ANTXR2: variants seen among roughly 807,000 people sequenced by gnomAD.
The protein encoded by ANTXR2 is anthrax toxin receptor 2.
ANTXR2 carries 44 observed loss-of-function variants against 73.7 expected under a neutral mutation model. The ratio of observed to expected loss-of-function variants is 0.60; its 90% CI spans 0.47 to 0.77. The LOEUF (loss-of-function observed/expected upper bound fraction) is 0.77. Among genes scored for constraint, ANTXR2 ranks in the 30% least tolerant of loss-of-function variants. The pLI is 0.00. For missense variants in ANTXR2, 604 were observed against 592.5 expected (o/e 1.02, Z -0.20); for synonymous variants, 217 against 205.9 (o/e 1.05, Z -0.46).
chr4:80,053,927 C>T (rs1243364772), intron 7 of ANTXR2, among the ~76,000 whole-genome samples: 4 of 151,582 alleles, frequency 2.6e-5, no homozygotes, highest in African/African-American at 7.3e-5. Flanking sequence ...CACATCAATC[C>T]AAATTTTTAT....
At chr4:80,071,710 C>T in intron 1 of ANTXR2, 56 bp from the exon 2 acceptor site, 1 of 1,425,428 alleles carries the variant, frequency 7.0e-7, no homozygotes, top group East Asian at 2.3e-5. Context: ...GAAAAGTAAA[C>T]ATTTTGAAAT....
chr4:80,033,422 T>C lies in ANTXR2; in HGVS notation c.796+50A>G, dbSNP rs1578172572. ...GAGAAAAAAAGAAAACATTTGATGC[T>C]GATGTGCTTTGCAGAGATTAAGACA... On this transcript the variant is annotated intron_variant, in intron 9 of 16. Transcript: ENST00000403729. The C allele has an allele frequency of 2.0e-5, 27 of 1,370,808 alleles. No individual in the cohort carries two copies. The East Asian group carries it at 6.4e-4, about 33-fold the overall frequency. 84.9% of individuals were successfully genotyped at this position (1,370,808 alleles called of 1,614,324 possible). A position where few individuals can be genotyped will look rare whatever the true frequency, so the allele number is the denominator to read the frequency against.
intron 16 of ANTXR2, among the ~76,000 whole-genome samples, chr4:79,913,119 C>T (rs1430008075): frequency 2.0e-5 from 3 of 152,144 alleles, no homozygotes; most frequent in Admixed American, 1.3e-4. Context: ...TTACTAACTA[C>T]TCACTTTCTG....
At chr4:80,029,453 T>A (rs952577514) in intron 10 of ANTXR2, among the ~76,000 whole-genome samples, 4 of 152,084 alleles carry the variant, frequency 2.6e-5, no homozygotes, top group Admixed American at 2.6e-4. Context: ...CAGATCGTTA[T>A]GTTAACTGGT....
intron 3 of ANTXR2, among the ~76,000 whole-genome samples, chr4:80,060,377 A>G (rs1163263142): frequency 6.6e-6 from 1 of 152,186 alleles, no homozygotes; most frequent in Non-Finnish European, 1.5e-5. Flanking sequence ...CCTCTGATCT[A>G]ACCTAATTTT....
chr4:79,914,077 G>C (rs906127115), intron 16 of ANTXR2, among the ~76,000 whole-genome samples: 3 of 151,874 alleles, frequency 2.0e-5, no homozygotes, highest in Admixed American at 1.3e-4. Context: ...GTTATATGAA[G>C]AGCCCTGTGA....
chr4:80,009,846 CAAA>C (rs932231740), intron 11 of ANTXR2, among the ~76,000 whole-genome samples: 2 of 82,110 alleles, frequency 2.4e-5, no homozygotes, highest in Admixed American at 1.5e-4. Context: ...GACTCCATCT[CAAA>C]AAAAAAAAAA....
chr4:80,055,363 T>C lies in ANTXR2; in HGVS notation c.483A>G (p.Lys161=), dbSNP rs925571260. Residue 161 remains lysine, a synonymous_variant, in exon 5 of 17, where the codon AAA becomes AAG. Transcript: ENST00000403729. ...ACAGTCTCAGTTCAATACTCACCTC[T>C]TTCTCTGCATATGATGGCACCAGAC... is the stretch of plus-strand genomic sequence containing the variant. ...LDGLVPSYAE[K]EAKISRSLGA... 6 of 1,609,428 alleles carry C rather than the reference T, an allele frequency of 3.7e-6. No homozygotes were observed. In the African/African-American group the frequency reaches 8.0e-5, roughly 22 times the overall value.
intron 7 of ANTXR2, among the ~76,000 whole-genome samples, chr4:80,042,268 C>A (rs376675733): frequency 6.6e-6 from 1 of 151,940 alleles, no homozygotes; most frequent in African/African-American, 2.4e-5. Context: ...TGCAAAACTC[C>A]GTTTATAAAA....
At chr4:80,005,724 C>A (rs1378477035) in intron 12 of ANTXR2, among the ~76,000 whole-genome samples, 1 of 152,088 alleles carries the variant, frequency 6.6e-6, no homozygotes, top group Admixed American at 6.6e-5. Context: ...ATATCTGTCA[C>A]TGCCTTTCCA....
intron 10 of ANTXR2, 66 bp downstream of exon 10, chr4:80,031,557 A>C: frequency 8.3e-7 from 1 of 1,199,302 alleles, no homozygotes; most frequent in Non-Finnish European, 1.1e-6. Context: ...ACCAATGTAT[A>C]TGTCACCATT....
intron 8 of ANTXR2, 36 bp downstream of exon 8, chr4:80,035,936 T>A (rs1342236197): frequency 6.7e-7 from 1 of 1,486,364 alleles, no homozygotes. Context: ...AAAAATACAA[T>A]TTCTTACATG....
intron 11 of ANTXR2, 59 bp downstream of exon 11, chr4:80,018,839 A>C (rs1475316571): frequency 7.9e-7 from 1 of 1,270,014 alleles, no homozygotes; most frequent in Non-Finnish European, 1.1e-6. Flanking sequence ...AAAGATCCAT[A>C]GATTATTTCT....
chr4:79,961,785 G>T (rs949810594), intron 16 of ANTXR2, among the ~76,000 whole-genome samples: 2 of 152,138 alleles, frequency 1.3e-5, no homozygotes, highest in African/African-American at 4.8e-5. Flanking sequence ...ATGATGAAAA[G>T]AAGTTACATT....
intron 16 of ANTXR2, among the ~76,000 whole-genome samples, chr4:79,915,829 CCTCTCT>C (rs71596772): frequency 0.032 from 4,270 of 132,894 alleles, 158 homozygotes; most frequent in African/African-American, 0.092. Flanking sequence ...TGTCTCTCTC[CCTCTCT>C]CTCTCTCTCT....
At chr4:80,015,414 G>C (rs1481170053) in intron 11 of ANTXR2, among the ~76,000 whole-genome samples, 2 of 152,092 alleles carry the variant, frequency 1.3e-5, no homozygotes, top group Non-Finnish European at 2.9e-5. Flanking sequence ...ACCACCATCA[G>C]TCAATTTAGA....
intron 16 of ANTXR2, among the ~76,000 whole-genome samples, chr4:79,932,974 A>G (rs1288136828): frequency 6.6e-6 from 1 of 152,034 alleles, no homozygotes; most frequent in Non-Finnish European, 1.5e-5. Context: ...TTTTTCTTGG[A>G]AAAAGATATT....
At chr4:80,064,347 C>A (rs1316245067) in intron 3 of ANTXR2, among the ~76,000 whole-genome samples, 1 of 151,894 alleles carries the variant, frequency 6.6e-6, no homozygotes, top group Non-Finnish European at 1.5e-5. Flanking sequence ...GTGGTATAAT[C>A]ACAAAAAAAG....
At position 79,904,433 on chromosome 4, in the gene ANTXR2, G is replaced by C. The variant is rs747774025; in HGVS notation, c.*2996C>G. The C allele has an allele frequency of 6.6e-6, 1 of 152,042 alleles. No homozygotes were observed. Among genetic ancestry groups the C allele is most frequent in the Non-Finnish European group, 1.5e-5 (1 of 67,990 alleles). The allele number at this position is 152,042 out of a possible 1,614,324, so 9.4% of individuals were successfully genotyped here. A position where few individuals can be genotyped will look rare whatever the true frequency, so the allele number is the denominator to read the frequency against. The stretch of plus-strand genomic sequence containing the variant: ...CAAATTTTACTCTGCATCTCATTGG[G>C]AAGGAAATATAAATTTTTAAAATAG... On this transcript the variant is annotated 3_prime_UTR_variant, in exon 17 of 17. Coordinates refer to ENST00000403729, the MANE Select transcript of ANTXR2 (RefSeq NM_058172.6).
Sources: gnomAD v4.1 joint callset for allele counts (sites outside exome capture counted in the v4.1 genomes callset) on GRCh38, gnomAD v4.1.1 for gene constraint, MANE v1.5 for transcripts, NCBI Gene and HGNC (gene_info 2026-07-23, HGNC 2026-07-21) for gene names.